Variants in PROS1 observed in about 807,000 individuals in gnomAD.
The protein encoded by PROS1 is protein S.
A neutral mutation model predicts 75.9 loss-of-function variants in PROS1; 29 were observed. The ratio of observed to expected loss-of-function variants is 0.38; its 90% confidence interval spans 0.28 to 0.52. The LOEUF (loss-of-function observed/expected upper bound fraction) is 0.52. Ranked by LOEUF, PROS1 falls within the 20% of genes least tolerant of loss-of-function variation. PROS1 has a pLI of 0.83. For synonymous variants in PROS1, 245 were observed against 280.6 expected (o/e 0.87, Z 1.27); for missense variants, 680 against 810.3 (o/e 0.84, Z 1.95).
intron 2 of PROS1, 69 bp from the exon 3 acceptor site, chr3:93,924,333 TATA>T: frequency 1.1e-6 from 1 of 945,460 alleles, no homozygotes. Flanking sequence ...AACTTAATTT[TATA>T]ATGTGTTTTT....
intron 1 of PROS1, among the ~76,000 whole-genome samples, chr3:93,944,766 C>T (rs919316057): frequency 3.9e-5 from 6 of 152,154 alleles, no homozygotes; most frequent in African/African-American, 9.6e-5. Context: ...CAAGAGCAAA[C>T]ACATTCAAAA....
chr3:93,926,404 G>C (rs1474820175), intron 2 of PROS1, among the ~76,000 whole-genome samples: 1 of 152,204 alleles, frequency 6.6e-6, no homozygotes, highest in African/African-American at 2.4e-5. Flanking sequence ...GGCCAAGGCA[G>C]GTGGATTGCT....
At chr3:93,890,146 C>T (rs1188279867) in intron 10 of PROS1, among the ~76,000 whole-genome samples, 1 of 152,094 alleles carries the variant, frequency 6.6e-6, no homozygotes, top group African/African-American at 2.4e-5. Context: ...TGAAATACGC[C>T]CGGGTCTCCT....
At chr3:93,924,177 C>T in intron 3 of PROS1, 63 bp downstream of exon 3, 3 of 1,138,164 alleles carry the variant, frequency 2.6e-6, no homozygotes, top group Non-Finnish European at 3.6e-6. Context: ...GAGAGTTAGA[C>T]AGGAACATAT....
chr3:93,942,698 T>C (rs1053915503), intron 1 of PROS1, among the ~76,000 whole-genome samples: 1 of 152,204 alleles, frequency 6.6e-6, no homozygotes, highest in African/African-American at 2.4e-5. Flanking sequence ...TATTCTGTCG[T>C]CATTTCAAAA....
Position 93,886,349 on chromosome 3 carries a change from T to TCACTTTC in PROS1, c.1303_1309dup (p.Glu437GlyfsTer3), listed in dbSNP as rs773487150. ...TTGGATCATTACCGGTTTAATGAGT[T>TCACTTTC]CACTTTCCACTTTCCGAGGGAATCC... On this transcript the variant is annotated stop_gained and frameshift_variant, in exon 11 of 15. Coordinates refer to ENST00000394236, the MANE Select transcript of PROS1 (RefSeq NM_000313.4). LOFTEE classifies it high-confidence loss of function. The TCACTTTC allele has an allele frequency of 6.2e-7, 1 of 1,613,668 alleles. No homozygotes were observed. The highest frequency in any genetic ancestry group is 1.1e-5 in the South Asian group (1 of 91,078).
intron 3 of PROS1, among the ~76,000 whole-genome samples, chr3:93,922,728 A>C (rs1161725502): frequency 6.6e-6 from 1 of 152,214 alleles, no homozygotes; most frequent in African/African-American, 2.4e-5. Context: ...TGGCCTATAG[A>C]ATATACACAT....
Position 93,877,111 on chromosome 3 carries a change from C to A in PROS1, c.1725G>T (p.Leu575=). ...LSLCSDQQSH[L]EFRVNRNNLE... ...GATTGTTTCTGTTGACTCTAAATTC[C>A]AGATGAGATTGTTGATCGGAACATA... The change falls in exon 14 of 15, where the codon CTG becomes CTT. Residue 575 remains leucine, a synonymous_variant. Coordinates refer to ENST00000394236, the MANE Select transcript of PROS1 (RefSeq NM_000313.4). 1 of 1,612,722 alleles carries A rather than the reference C, an allele frequency of 6.2e-7. No individual in the cohort carries two copies. Among genetic ancestry groups the A allele is most frequent in the South Asian group, 1.1e-5 (1 of 91,042 alleles).
intron 3 of PROS1, among the ~76,000 whole-genome samples, chr3:93,912,828 C>G (rs891982308): frequency 6.6e-6 from 1 of 152,132 alleles, no homozygotes; most frequent in African/African-American, 2.4e-5. Flanking sequence ...CCTTAATGAC[C>G]TAAACACCTC....
At chr3:93,936,815 G>T (rs1709190921) in intron 1 of PROS1, among the ~76,000 whole-genome samples, 1 of 152,216 alleles carries the variant, frequency 6.6e-6, no homozygotes, top group Non-Finnish European at 1.5e-5. Context: ...AATGATGGCA[G>T]AGAGTATTTA....
At chr3:93,946,566 T>G (rs1361065928) in intron 1 of PROS1, among the ~76,000 whole-genome samples, 1 of 152,158 alleles carries the variant, frequency 6.6e-6, no homozygotes, top group Non-Finnish European at 1.5e-5. Context: ...AAGGATTCCC[T>G]ATTTAAAAAA....
At chr3:93,905,663 T>C in intron 6 of PROS1, 121 bp downstream of exon 6, 3 of 1,083,350 alleles carry the variant, frequency 2.8e-6, no homozygotes, top group South Asian at 2.9e-5. Context: ...TCAATGTCGA[T>C]AAAAATGTGT....
intron 1 of PROS1, among the ~76,000 whole-genome samples, chr3:93,940,933 A>G (rs1211221026): frequency 1.3e-5 from 2 of 151,848 alleles, no homozygotes; most frequent in Non-Finnish European, 2.9e-5. Context: ...TTGCCTATCC[A>G]CCCTCTGGTG....
chr3:93,905,802 T>A lies in PROS1; in HGVS notation c.583A>T (p.Asn195Tyr), dbSNP rs1708666283. 6.2e-7 allele frequency: 1 copy of A among 1,612,176 alleles called. No homozygotes were observed. Among genetic ancestry groups the A allele is most frequent in the Admixed American group, 1.7e-5 (1 of 59,998 alleles). The part of the protein sequence containing the change: ...SCKNGFVMLS[N>Y]KKDCKDVDEC... ...CTCTTACCTTTACAATCTTTCTTAT[T>A]TGAAAGCATAACAAAACCATTTTTA... The change falls in exon 6 of 15, where the codon AAT becomes TAT. Residue 195 changes from asparagine to tyrosine, a missense_variant. Asn to Tyr is a moderately radical substitution (Grantham distance 143, BLOSUM62 -2). Coordinates refer to ENST00000394236, the MANE Select transcript of PROS1 (RefSeq NM_000313.4).
chr3:93,965,131 C>G (rs889765457), intron 1 of PROS1, among the ~76,000 whole-genome samples: 2 of 152,210 alleles, frequency 1.3e-5, no homozygotes, highest in Non-Finnish European at 2.9e-5. Context: ...CCCAGGCATT[C>G]GAGCCGGCAA....
intron 4 of PROS1, among the ~76,000 whole-genome samples, chr3:93,907,738 C>T (rs1332694606): frequency 6.6e-6 from 1 of 152,242 alleles, no homozygotes; most frequent in African/African-American, 2.4e-5. Flanking sequence ...GATCCCATAA[C>T]ACTACTTCTG....
intron 3 of PROS1, chr3:93,910,911 T>TA (rs776321242): frequency 7.2e-6 from 4 of 554,570 alleles, no homozygotes; most frequent in Non-Finnish European, 1.3e-5. Context: ...TACAGAAACA[T>TA]AAAAAATAAG....
intron 1 of PROS1, among the ~76,000 whole-genome samples, chr3:93,945,698 A>G (rs547792498): frequency 8.5e-5 from 13 of 152,304 alleles, no homozygotes; most frequent in African/African-American, 2.4e-4. Flanking sequence ...CCCACAGCCA[A>G]TATCATACTG....
At chr3:93,887,636 C>T (rs1476738038) in intron 10 of PROS1, among the ~76,000 whole-genome samples, 2 of 152,146 alleles carry the variant, frequency 1.3e-5, no homozygotes, top group East Asian at 3.9e-4. Context: ...TTAATATAGC[C>T]AATTAGCAGC....
Sources: gnomAD v4.1 joint callset for allele counts (sites outside exome capture counted in the v4.1 genomes callset) on GRCh38, gnomAD v4.1.1 for gene constraint, MANE v1.5 for transcripts, NCBI Gene and HGNC (gene_info 2026-07-23, HGNC 2026-07-21) for gene names.